The following FBXL20 variants were observed in gnomAD, a reference collection of about 807,000 sequenced individuals.
FBXL20 encodes the protein F-box and leucine rich repeat protein 20.
FBXL20 carries 11 observed loss-of-function variants against 64.0 expected under a neutral mutation model. The observed-to-expected ratio is 0.17, with a 90% CI of 0.11 to 0.28. FBXL20 has a LOEUF of 0.28. Ranked by LOEUF, FBXL20 falls within the 10% of genes least tolerant of loss-of-function variation. The probability of loss-of-function intolerance (pLI) is 1.00; values close to 1 mark genes in which losing one functional copy is unlikely to be tolerated. For missense variants in FBXL20, 303 were observed against 526.2 expected, an observed-to-expected ratio of 0.58 and a Z score of 4.15; for synonymous variants, 184 against 189.0, an observed-to-expected ratio of 0.97 and a Z score of 0.22.
At chr17:39,268,094 G>A (rs2046808375) in intron 12 of FBXL20, among the ~76,000 whole-genome samples, 1 of 152,096 alleles carries the variant, frequency 6.6e-6, no homozygotes, top group East Asian at 1.9e-4. Flanking sequence ...GCTCACGTCT[G>A]TAATCCCAGC....
intron 12 of FBXL20, among the ~76,000 whole-genome samples, chr17:39,267,663 T>C (rs752556371): frequency 1.3e-5 from 2 of 152,222 alleles, no homozygotes; most frequent in Non-Finnish European, 2.9e-5. Context: ...TTCATGGTTA[T>C]GTTAGGACTG....
At chr17:39,362,082 T>G (rs2047801025) in intron 1 of FBXL20, among the ~76,000 whole-genome samples, 1 of 146,456 alleles carries the variant, frequency 6.8e-6, no homozygotes, top group East Asian at 2.1e-4. Flanking sequence ...GGTCAGGAGA[T>G]CGAGACCATC....
At chr17:39,337,268 G>T (rs12944316) in intron 2 of FBXL20, among the ~76,000 whole-genome samples, 1 of 152,170 alleles carries the variant, frequency 6.6e-6, no homozygotes, top group Non-Finnish European at 1.5e-5. Flanking sequence ...GATTGCAGAC[G>T]GAGTCTCGTT....
upstream of FBXL20, chr17:39,401,715 C>A (rs1043172590): frequency 1.3e-5 from 14 of 1,093,706 alleles, no homozygotes; most frequent in African/African-American, 1.8e-4. Context: ...GGCCTCGGAG[C>A]GCCCGGGAGG....
At chr17:39,374,663 C>T (rs971487117) in intron 1 of FBXL20, among the ~76,000 whole-genome samples, 2 of 152,202 alleles carry the variant, frequency 1.3e-5, no homozygotes, top group East Asian at 1.9e-4. Context: ...TTCCTAAAAA[C>T]TAATTATACA....
chr17:39,385,824 G>A (rs928114449), intron 1 of FBXL20, among the ~76,000 whole-genome samples: 1 of 150,486 alleles, frequency 6.6e-6, no homozygotes, highest in Non-Finnish European at 1.5e-5. Flanking sequence ...GAGCTCAAGA[G>A]ATCGAGACCA....
At chr17:39,321,427 T>C (rs1230512479) in intron 2 of FBXL20, among the ~76,000 whole-genome samples, 4 of 147,546 alleles carry the variant, frequency 2.7e-5, no homozygotes, top group East Asian at 2.0e-4. Context: ...GATTGCACCA[T>C]TGCACTCCAG....
At position 39,276,221 on chromosome 17, in the gene FBXL20, G is replaced by GAA. The variant is rs1215336803; in HGVS notation, c.697-1123_697-1122dup. ...TCCACCAGGCAATAGAGCAAGAAAA[G>GAA]AAAAAAAAAAAAAAAAAAAAAAGGG... On this transcript the variant is annotated intron_variant, in intron 9 of 14. Coordinates refer to ENST00000264658, the MANE Select transcript of FBXL20 (RefSeq NM_032875.3). Among the ~76,000 whole-genome samples the GAA allele has an allele frequency of 8.9e-3, 536 of 60,562 alleles. 9 individuals are homozygous for GAA. Among genetic ancestry groups the GAA allele is most frequent in the African/African-American group, 0.027 (428 of 15,768 alleles). 39.7% of individuals were successfully genotyped at this position (60,562 alleles called of 152,430 possible).
intron 1 of FBXL20, among the ~76,000 whole-genome samples, chr17:39,369,148 G>A (rs2047890183): frequency 6.6e-6 from 1 of 151,178 alleles, no homozygotes; most frequent in African/African-American, 2.4e-5. Flanking sequence ...AATAGTTTTA[G>A]AAGTACTGGA....
intron 3 of FBXL20, among the ~76,000 whole-genome samples, chr17:39,301,565 T>C (rs1458195542): frequency 6.6e-6 from 1 of 152,000 alleles, no homozygotes; most frequent in Non-Finnish European, 1.5e-5. Flanking sequence ...CCGTCTCTAC[T>C]AAAAATACAA....
intron 2 of FBXL20, among the ~76,000 whole-genome samples, chr17:39,329,680 T>C (rs1358920007): frequency 1.3e-5 from 2 of 151,986 alleles, no homozygotes; most frequent in African/African-American, 2.4e-5. Context: ...CTATAACTTA[T>C]CTCTAATGGT....
Position 39,401,416 on chromosome 17 carries a change from G to A in FBXL20, c.-14C>T, listed in dbSNP as rs771006132. ...GTCCCTCCTCATGGGGCCGGCGGGT[G>A]CGGCCCGGGCCGGGCGCTGCGGCGA... On this transcript the variant is annotated 5_prime_UTR_variant, in exon 1 of 15. Transcript: ENST00000264658. The A allele has an allele frequency of 6.3e-7, 1 of 1,594,228 alleles. No homozygotes were observed.
At chr17:39,359,197 G>A (rs2047770702) in intron 1 of FBXL20, among the ~76,000 whole-genome samples, 1 of 151,938 alleles carries the variant, frequency 6.6e-6, no homozygotes. Context: ...TAGCGTGGCG[G>A]CACGCACTTG....
In FBXL20 at chr17:39,253,115, G is replaced by C. The variant is rs2046665149; in HGVS notation, c.*8345C>G. The C allele has an allele frequency of 6.5e-6, 1 of 152,886 alleles. No homozygotes were observed. Among genetic ancestry groups the C allele is most frequent in the Non-Finnish European group, 1.5e-5 (1 of 68,516 alleles). The allele number at this position is 152,886 out of a possible 1,614,324, so 9.5% of individuals were successfully genotyped here. On this transcript the variant is annotated 3_prime_UTR_variant, in exon 15 of 15. Coordinates refer to ENST00000264658, the MANE Select transcript of FBXL20 (RefSeq NM_032875.3). ...CTCTGCATTTTACCCCCTCAGGGGA[G>C]TGAGTGGGGGTGCGGGGTGCAGGGA...
chr17:39,306,151 GTTC>G (rs1473987793), intron 2 of FBXL20, among the ~76,000 whole-genome samples: 2 of 119,712 alleles, frequency 1.7e-5, no homozygotes, highest in Non-Finnish European at 3.2e-5. Context: ...GATAGAGTGA[GTTC>G]TTTTTTTTTT....
intron 1 of FBXL20, among the ~76,000 whole-genome samples, chr17:39,350,079 AAC>A (rs1413459967): frequency 6.6e-6 from 1 of 152,118 alleles, no homozygotes; most frequent in African/African-American, 2.4e-5. Context: ...AATTTTAGAA[AAC>A]AAAGTATTAA....
At chr17:39,375,708 C>A (rs1182951731) in intron 1 of FBXL20, among the ~76,000 whole-genome samples, 1 of 151,994 alleles carries the variant, frequency 6.6e-6, no homozygotes, top group Non-Finnish European at 1.5e-5. Context: ...AAAAATTAAC[C>A]AAGTCTTGCA....
chr17:39,331,981 T>C (rs1327001514), intron 2 of FBXL20, among the ~76,000 whole-genome samples: 3 of 152,244 alleles, frequency 2.0e-5, no homozygotes, highest in East Asian at 3.8e-4. Context: ...GTAGAACCAA[T>C]GTAACAATAC....
intron 10 of FBXL20, 69 bp from the exon 11 acceptor site, chr17:39,270,925 A>G: frequency 2.3e-6 from 3 of 1,284,410 alleles, no homozygotes; most frequent in East Asian, 2.5e-5. Context: ...TTATTAAAAC[A>G]GTAAGAATTT....
Sources: allele counts gnomAD v4.1 joint callset (sites outside exome capture counted in the v4.1 genomes callset), GRCh38; gene constraint gnomAD v4.1.1; transcripts MANE v1.5; gene names NCBI Gene and HGNC (gene_info 2026-07-23, HGNC 2026-07-21).